The following SLC24A2 variants were observed in gnomAD, a reference collection of about 807,000 sequenced individuals.
The protein encoded by SLC24A2 is sodium/potassium/calcium exchanger 2.
A neutral mutation model predicts 62.0 loss-of-function variants in SLC24A2; 36 were observed. The observed-to-expected ratio is 0.58, with a 90% CI of 0.44 to 0.77. The LOEUF (loss-of-function observed/expected upper bound fraction) is 0.77. Among genes scored for constraint, SLC24A2 ranks in the 30% least tolerant of loss-of-function variants. The probability of loss-of-function intolerance (pLI) is 0.00; values close to 1 mark genes in which losing one functional copy is unlikely to be tolerated. For missense variants in SLC24A2, 846 were observed against 817.9 expected, an observed-to-expected ratio of 1.03 and a Z score of -0.42; for synonymous variants, 358 against 294.0, an observed-to-expected ratio of 1.22 and a Z score of -2.23.
the SLC24A2 span, among the ~76,000 whole-genome samples, chr9:20,207,284 T>G: frequency 1.3e-5 from 2 of 152,170 alleles, no homozygotes; most frequent in African/African-American, 4.8e-5. Context: ...CACAATTCTT[T>G]CACATGCCTT....
At chr9:20,203,243 A>T in the SLC24A2 span, among the ~76,000 whole-genome samples, 1 of 151,788 alleles carries the variant, frequency 6.6e-6, no homozygotes, top group African/African-American at 2.4e-5. Flanking sequence ...CAATGGTTTT[A>T]CTCCCCTCCC....
rs559956438 is a variant in SLC24A2, at chr9:19,758,780, A to T, written c.930+27157T>A. 1.4e-4 allele frequency among the ~76,000 whole-genome samples: 22 copies of T among 152,296 alleles called. 1 individual carries two copies. In the Middle Eastern group the frequency reaches 0.017, roughly 118 times the overall value. ...CCTTTTAAATAATGCTATATTCAGT[A>T]AGAAAGAAATCAAGACAGTCATTTC... On this transcript the variant is annotated intron_variant, in intron 2 of 10. Transcript: ENST00000341998.
the SLC24A2 span, among the ~76,000 whole-genome samples, chr9:20,080,122 A>C: frequency 6.6e-6 from 1 of 152,228 alleles, no homozygotes; most frequent in East Asian, 1.9e-4. Context: ...ATTGGAAAAA[A>C]CTACTTTAAA....
chr9:19,592,855 G>C (rs777092869), intron 5 of SLC24A2, among the ~76,000 whole-genome samples: 9 of 152,306 alleles, frequency 5.9e-5, no homozygotes, highest in Non-Finnish European at 1.0e-4. Context: ...AAAATATGCA[G>C]TATCACTGTA....
At chr9:20,126,490 T>C in the SLC24A2 span, among the ~76,000 whole-genome samples, 2 of 152,164 alleles carry the variant, frequency 1.3e-5, no homozygotes. Context: ...AACATCACCA[T>C]ACATGCCTAC....
chr9:20,120,401 T>G, the SLC24A2 span, among the ~76,000 whole-genome samples: 3 of 152,158 alleles, frequency 2.0e-5, no homozygotes, highest in African/African-American at 7.2e-5. Context: ...TCATGTCCTT[T>G]GCAGCTGGAG....
intron 2 of SLC24A2, among the ~76,000 whole-genome samples, chr9:19,744,072 C>T (rs1261885410): frequency 6.6e-6 from 1 of 152,140 alleles, no homozygotes; most frequent in Non-Finnish European, 1.5e-5. Context: ...TACCTCACCT[C>T]ATATGGGCTG....
At chr9:20,008,111 G>C in the SLC24A2 span, among the ~76,000 whole-genome samples, 3 of 151,632 alleles carry the variant, frequency 2.0e-5, no homozygotes, top group African/African-American at 7.3e-5. Flanking sequence ...GGCCAGGCTG[G>C]TCTTGAACTC....
chr9:19,515,316 C>A lies in SLC24A2; in HGVS notation c.*837G>T, dbSNP rs953183890. ...CCAAGCCACCCAGCCTGGGTTTTTA[C>A]CTCTTTCTGTCCTAAGTACCCTGAG... On this transcript the variant is annotated 3_prime_UTR_variant, in exon 11 of 11. Coordinates refer to ENST00000341998, the MANE Select transcript of SLC24A2 (RefSeq NM_020344.4). 2.6e-5 allele frequency: 4 copies of A among 152,148 alleles called. No homozygotes were observed. The highest frequency in any genetic ancestry group is 1.9e-4 in the East Asian group (1 of 5,198). The allele number at this position is 152,148 out of a possible 1,614,324, so 9.4% of individuals were successfully genotyped here. A position where few individuals can be genotyped will look rare whatever the true frequency, so the allele number is the denominator to read the frequency against.
At position 19,577,035 on chromosome 9, in the gene SLC24A2, A is replaced by C. The variant is rs1374942374; in HGVS notation, c.1130-13T>G. On this transcript the variant is annotated splice_polypyrimidine_tract_variant and intron_variant, in intron 5 of 10. Transcript: ENST00000341998. ...TCTCTGAACCTCCCTGAAGCAAAAG[A>C]AAGTGGCAGGAAGGAGACACAATGA... is the stretch of plus-strand genomic sequence containing the variant. 4 of 1,607,758 alleles carry C rather than the reference A, an allele frequency of 2.5e-6. No homozygotes were observed. The highest frequency in any genetic ancestry group is 2.6e-6 in the Non-Finnish European group (3 of 1,174,156).
the SLC24A2 span, among the ~76,000 whole-genome samples, chr9:19,879,712 C>T: frequency 1.3e-5 from 2 of 152,080 alleles, no homozygotes; most frequent in Admixed American, 6.6e-5. Context: ...TATCACTGTT[C>T]CCTCCTCCCC....
At chr9:19,915,251 A>G in the SLC24A2 span, among the ~76,000 whole-genome samples, 1 of 152,238 alleles carries the variant, frequency 6.6e-6, no homozygotes, top group African/African-American at 2.4e-5. Flanking sequence ...ATGGTGTAGC[A>G]TGTATCAGCG....
At chr9:19,839,848 C>G in the SLC24A2 span, among the ~76,000 whole-genome samples, 2 of 152,092 alleles carry the variant, frequency 1.3e-5, no homozygotes, top group African/African-American at 2.4e-5. Context: ...ATGTCATAGC[C>G]ATTGTGTTAA....
intron 2 of SLC24A2, among the ~76,000 whole-genome samples, chr9:19,718,049 T>C (rs1433421763): frequency 1.3e-5 from 2 of 150,082 alleles, no homozygotes; most frequent in Admixed American, 1.3e-4. Flanking sequence ...CAATCTCAGC[T>C]CACTGCAACC....
rs1832905428 is a variant in SLC24A2, at chr9:19,515,977, C to A, written c.*176G>T. ...GTCATTTCAGTAGGCAGGGTGGAAG[C>A]AGCCTGTGAAGTGAATGGGCCCAGT... On this transcript the variant is annotated 3_prime_UTR_variant, in exon 11 of 11. Coordinates refer to ENST00000341998, the MANE Select transcript of SLC24A2 (RefSeq NM_020344.4). The A allele has an allele frequency of 5.1e-6, 4 of 781,862 alleles. No homozygotes were observed. The highest frequency in any genetic ancestry group is 8.8e-6 in the Non-Finnish European group (4 of 454,278). The allele number at this position is 781,862 out of a possible 1,614,324, so 48.4% of individuals were successfully genotyped here. A position where few individuals can be genotyped will look rare whatever the true frequency, so the allele number is the denominator to read the frequency against.
chr9:19,670,828 C>A (rs997407442), intron 2 of SLC24A2, among the ~76,000 whole-genome samples: 6 of 152,148 alleles, frequency 3.9e-5, no homozygotes, highest in African/African-American at 1.4e-4. Context: ...GGAAGGCCTG[C>A]TTTATCTGTG....
the SLC24A2 span, among the ~76,000 whole-genome samples, chr9:20,175,416 T>C: frequency 4.6e-5 from 7 of 151,906 alleles, no homozygotes; most frequent in African/African-American, 1.7e-4. Context: ...AAGTTTGAGG[T>C]ATAGAGAATG....
chr9:19,979,939 C>T, the SLC24A2 span, among the ~76,000 whole-genome samples: 1 of 152,162 alleles, frequency 6.6e-6, no homozygotes, highest in Admixed American at 6.5e-5. Context: ...CAACAAATAT[C>T]TATTGTAGGT....
chr9:19,529,219 A>G (rs1189347672), intron 8 of SLC24A2, among the ~76,000 whole-genome samples: 10 of 152,198 alleles, frequency 6.6e-5, no homozygotes, highest in Non-Finnish European at 1.5e-4. Context: ...AATGAATTTT[A>G]GAGTTGACTT....
Sources: allele counts gnomAD v4.1 joint callset (sites outside exome capture counted in the v4.1 genomes callset), GRCh38; gene constraint gnomAD v4.1.1; transcripts MANE v1.5; gene names NCBI Gene and HGNC (gene_info 2026-07-23, HGNC 2026-07-21).